The following IQGAP2 variants were observed in gnomAD, a reference collection of about 807,000 sequenced individuals.
The protein encoded by IQGAP2 is IQ motif containing GTPase activating protein 2, also known as ras GTPase-activating-like protein IQGAP2.
A neutral mutation model predicts 201.3 loss-of-function variants in IQGAP2; 173 were observed. That is an observed-to-expected ratio of 0.86 (90% CI 0.76 to 0.98). IQGAP2 has a LOEUF of 0.98. Ranked by LOEUF, IQGAP2 falls within the 50% of genes least tolerant of loss-of-function variation. IQGAP2 has a pLI of 0.00. For synonymous variants in IQGAP2, 675 were observed against 673.9 expected (o/e 1.00, Z -0.03); for missense variants, 1,687 against 1,864.8 (o/e 0.90, Z 1.76).
At position 76,671,989 on chromosome 5, in the gene IQGAP2, A is replaced by G. The variant is rs374328912; in HGVS notation, c.3068+6A>G. 3 of 1,585,220 alleles carry G rather than the reference A, an allele frequency of 1.9e-6. No individual in the cohort carries two copies. The African/African-American group carries it at 4.0e-5, about 21-fold the overall frequency. ...ACACAGACTGGAGAGGCCAGGTAAT[A>G]GAATCAGGAAGGTGTTGGTCTTCTG... On this transcript the variant is annotated splice_donor_region_variant and intron_variant, in intron 24 of 35. Coordinates refer to ENST00000274364, the MANE Select transcript of IQGAP2 (RefSeq NM_006633.5).
intron 17 of IQGAP2, among the ~76,000 whole-genome samples, chr5:76,642,923 G>A (rs1308129012): frequency 6.6e-6 from 1 of 152,110 alleles, no homozygotes; most frequent in Non-Finnish European, 1.5e-5. Context: ...TAACTGGGAG[G>A]TGCCCAGGTC....
intron 12 of IQGAP2, chr5:76,608,156 A>G (rs1238370173): frequency 6.6e-6 from 1 of 152,234 alleles, no homozygotes; most frequent in Non-Finnish European, 1.5e-5. Flanking sequence ...TATTATTTTT[A>G]AGCAAAAATC....
At chr5:76,622,047 A>G (rs1749734758) in intron 13 of IQGAP2, among the ~76,000 whole-genome samples, 1 of 152,164 alleles carries the variant, frequency 6.6e-6, no homozygotes, top group African/African-American at 2.4e-5. Flanking sequence ...CTAAAAGCCT[A>G]AAACAAAACA....
At chr5:76,485,747 G>C (rs1474485145) in intron 2 of IQGAP2, among the ~76,000 whole-genome samples, 1 of 152,176 alleles carries the variant, frequency 6.6e-6, no homozygotes, top group Non-Finnish European at 1.5e-5. Context: ...CACTCATTCT[G>C]TACAGCCCCC....
chr5:76,552,568 T>C (rs3885957), intron 2 of IQGAP2, among the ~76,000 whole-genome samples: 32,252 of 152,188 alleles, frequency 0.21, 3,595 homozygotes, highest in South Asian at 0.39. Context: ...TCCAAGGTTG[T>C]CACTTACAAG....
At chr5:76,623,936 C>CTTTTT (rs368076875) in intron 13 of IQGAP2, among the ~76,000 whole-genome samples, 9,031 of 100,476 alleles carry the variant, frequency 0.09, 1,081 homozygotes, top group South Asian at 0.15. Flanking sequence ...TTTGTTCAGG[C>CTTTTT]TTTTTTTTTT....
chr5:76,520,869 G>A (rs1466341548), intron 2 of IQGAP2, among the ~76,000 whole-genome samples: 5 of 151,862 alleles, frequency 3.3e-5, no homozygotes, highest in African/African-American at 1.2e-4. Context: ...CACCATGCCC[G>A]GCTAATTTTT....
intron 2 of IQGAP2, among the ~76,000 whole-genome samples, chr5:76,500,861 G>A (rs933748474): frequency 1.3e-5 from 2 of 152,090 alleles, no homozygotes; most frequent in African/African-American, 4.8e-5. Context: ...AACATGCTGT[G>A]AGCTGCAGCA....
chr5:76,432,224 A>G (rs1352478007), intron 1 of IQGAP2, among the ~76,000 whole-genome samples: 2 of 141,086 alleles, frequency 1.4e-5, no homozygotes, highest in Admixed American at 8.0e-5. Context: ...CTCCAGGATT[A>G]AAAAATTTTT....
At chr5:76,595,510 G>C (rs187345341) in intron 9 of IQGAP2, among the ~76,000 whole-genome samples, 1 of 152,012 alleles carries the variant, frequency 6.6e-6, no homozygotes, top group East Asian at 1.9e-4. Context: ...CTGTAATCTA[G>C]CACTTTGGGA....
chr5:76,550,270 T>G (rs941921581), intron 2 of IQGAP2, among the ~76,000 whole-genome samples: 1 of 151,962 alleles, frequency 6.6e-6, no homozygotes, highest in Non-Finnish European at 1.5e-5. Flanking sequence ...GCTGGGCAAA[T>G]TATGTTCAAT....
At chr5:76,682,561 C>A (rs1487572189) in intron 28 of IQGAP2, among the ~76,000 whole-genome samples, 1 of 152,064 alleles carries the variant, frequency 6.6e-6, no homozygotes, top group Non-Finnish European at 1.5e-5. Flanking sequence ...TGGCAAGACA[C>A]CCCAGCAGAT....
intron 12 of IQGAP2, chr5:76,609,129 A>C (rs1205379394): frequency 6.5e-7 from 1 of 1,535,898 alleles, no homozygotes; most frequent in East Asian, 2.4e-5. Context: ...AGCAGACAGC[A>C]ACTTTAGCAG....
rs1387132679 is a variant in IQGAP2, at chr5:76,575,726, C to T, written c.415C>T (p.Arg139Trp). 7.5e-6 allele frequency: 12 copies of T among 1,591,998 alleles called. No homozygotes were observed. Among genetic ancestry groups the T allele is most frequent in the Admixed American group, 1.7e-5 (1 of 58,478 alleles). Residue 139 changes from arginine to tryptophan, a missense_variant, in exon 5 of 36, where the codon CGG becomes TGG. Arg to Trp is a moderately radical substitution (Grantham distance 101). Coordinates refer to ENST00000274364, the MANE Select transcript of IQGAP2 (RefSeq NM_006633.5). ...TCCAGAAACAACAGATGTCTATGAT[C>T]GGAAAAACATACCAAGAATGATATA... Reference protein sequence around the residue: ...FYPETTDVYDRKNIPRMIYCI... With the variant: ...FYPETTDVYDWKNIPRMIYCI...
At chr5:76,619,743 C>T (rs1005108269) in intron 13 of IQGAP2, among the ~76,000 whole-genome samples, 1 of 152,082 alleles carries the variant, frequency 6.6e-6, no homozygotes, top group Admixed American at 6.6e-5. Context: ...TGGTCTCGAT[C>T]TCCTGACCTC....
At chr5:76,471,448 G>A (rs1046180968) in intron 2 of IQGAP2, among the ~76,000 whole-genome samples, 1 of 151,084 alleles carries the variant, frequency 6.6e-6, no homozygotes, top group Non-Finnish European at 1.5e-5. Context: ...CTTTAGGTAA[G>A]CCAAGCCATT....
intron 2 of IQGAP2, among the ~76,000 whole-genome samples, chr5:76,542,858 G>T (rs1026593140): frequency 3.3e-5 from 5 of 152,162 alleles, no homozygotes; most frequent in African/African-American, 7.2e-5. Flanking sequence ...GCCTCTGCTT[G>T]CTAGTTGTAT....
At chr5:76,506,503 C>G (rs548026582) in intron 2 of IQGAP2, among the ~76,000 whole-genome samples, 1 of 152,218 alleles carries the variant, frequency 6.6e-6, no homozygotes, top group South Asian at 2.1e-4. Context: ...TTTGACATAA[C>G]AGTTAAGACA....
intron 5 of IQGAP2, among the ~76,000 whole-genome samples, chr5:76,584,334 A>T (rs1045432304): frequency 1.3e-5 from 2 of 152,198 alleles, no homozygotes; most frequent in African/African-American, 4.8e-5. Flanking sequence ...AATAACTTTT[A>T]AAAAATACAT....
Sources: gnomAD v4.1 joint callset for allele counts (sites outside exome capture counted in the v4.1 genomes callset) on GRCh38, gnomAD v4.1.1 for gene constraint, MANE v1.5 for transcripts, NCBI Gene and HGNC (gene_info 2026-07-23, HGNC 2026-07-21) for gene names.